Variants in GLI2 observed in about 807,000 individuals in gnomAD.
The protein encoded by GLI2 is transcription activator GLI2.
GLI2 carries 22 observed loss-of-function variants against 78.9 expected under a neutral mutation model. The ratio of observed to expected loss-of-function variants is 0.28; its 90% CI spans 0.20 to 0.40. GLI2 has a LOEUF of 0.40. GLI2 is among the 10% of genes least tolerant of loss of function. GLI2 has a pLI of 1.00. For missense variants in GLI2, 2,097 were observed against 2,213.2 expected, an observed-to-expected ratio of 0.95 and a Z score of 1.05; for synonymous variants, 974 against 963.7, an observed-to-expected ratio of 1.01 and a Z score of -0.20.
At chr2:120,905,524 T>C (rs530526013) in intron 2 of GLI2, among the ~76,000 whole-genome samples, 1 of 152,310 alleles carries the variant, frequency 6.6e-6, no homozygotes, top group African/African-American at 2.4e-5. Flanking sequence ...AGTGGCAATG[T>C]CAGGATTAGG....
At chr2:120,937,230 GCA>G (rs2104903814) in intron 3 of GLI2, among the ~76,000 whole-genome samples, 1 of 152,322 alleles carries the variant, frequency 6.6e-6, no homozygotes, top group South Asian at 2.1e-4. Flanking sequence ...GCCCAAGGAG[GCA>G]CAGTCTTTTT....
intron 2 of GLI2, among the ~76,000 whole-genome samples, chr2:120,806,103 A>G (rs1684936779): frequency 6.6e-6 from 1 of 152,216 alleles, no homozygotes; most frequent in East Asian, 1.9e-4. Context: ...ATTCTGTTAT[A>G]TCAGAGTTTA....
intron 9 of GLI2, among the ~76,000 whole-genome samples, chr2:120,976,786 G>A (rs953672055): frequency 3.3e-5 from 5 of 152,170 alleles, no homozygotes; most frequent in African/African-American, 1.2e-4. Context: ...CCTCCACCAG[G>A]CCCTGGAAAA....
intron 2 of GLI2, among the ~76,000 whole-genome samples, chr2:120,911,241 A>C (rs1187935): frequency 0.49 from 74,494 of 152,228 alleles, 21,612 homozygotes; most frequent in African/African-American, 0.82. Context: ...ATTTGACTGA[A>C]CCAGGGCAAG....
At chr2:120,899,337 C>T (rs1558867776) in intron 2 of GLI2, among the ~76,000 whole-genome samples, 1 of 152,154 alleles carries the variant, frequency 6.6e-6, no homozygotes, top group East Asian at 1.9e-4. Context: ...TAGGGGTTTG[C>T]TTCCAGGACT....
At chr2:120,830,075 G>A (rs1436157576) in intron 2 of GLI2, among the ~76,000 whole-genome samples, 1 of 152,196 alleles carries the variant, frequency 6.6e-6, no homozygotes, top group Non-Finnish European at 1.5e-5. Context: ...AAGTCAGAGT[G>A]TGCTGCTGAG....
chr2:120,978,917 G>T, intron 10 of GLI2, among the ~76,000 whole-genome samples: 1 of 152,356 alleles, frequency 6.6e-6, no homozygotes, highest in South Asian at 2.1e-4. Flanking sequence ...AAGAGGGACA[G>T]CTCCATAGTG....
chr2:120,847,597 G>C (rs900092895), intron 2 of GLI2, among the ~76,000 whole-genome samples: 1 of 151,444 alleles, frequency 6.6e-6, no homozygotes, highest in African/African-American at 2.4e-5. Context: ...CCACCGCCTA[G>C]AACTTGGATT....
intron 1 of GLI2, among the ~76,000 whole-genome samples, chr2:120,756,112 G>A (rs1683027122): frequency 6.6e-6 from 1 of 152,106 alleles, no homozygotes; most frequent in East Asian, 1.9e-4. Context: ...CAAAAACCCT[G>A]CTTTTAAGAT....
intron 1 of GLI2, among the ~76,000 whole-genome samples, chr2:120,771,749 C>G (rs1683529332): frequency 6.6e-6 from 1 of 152,208 alleles, no homozygotes; most frequent in African/African-American, 2.4e-5. Flanking sequence ...CAGCCAAGCA[C>G]TGAGTCTTCT....
chr2:120,801,910 C>G (rs1684724547), intron 2 of GLI2, among the ~76,000 whole-genome samples: 1 of 152,224 alleles, frequency 6.6e-6, no homozygotes, highest in Non-Finnish European at 1.5e-5. Flanking sequence ...TGGTGAGAGT[C>G]TCTTTCAGGT....
At chr2:120,875,160 G>T (rs1451184153) in intron 2 of GLI2, among the ~76,000 whole-genome samples, 3 of 152,250 alleles carry the variant, frequency 2.0e-5, no homozygotes, top group Non-Finnish European at 4.4e-5. Flanking sequence ...GTATGTGCAG[G>T]TGTTTTTCCT....
At chr2:120,816,096 G>C (rs1174262740) in intron 2 of GLI2, among the ~76,000 whole-genome samples, 1 of 152,142 alleles carries the variant, frequency 6.6e-6, no homozygotes, top group East Asian at 1.9e-4. Flanking sequence ...TGATGTTTGG[G>C]GACTGAGGGA....
chr2:120,865,779 G>A (rs1450699413), intron 2 of GLI2, among the ~76,000 whole-genome samples: 5 of 152,210 alleles, frequency 3.3e-5, no homozygotes, highest in Admixed American at 3.3e-4. Flanking sequence ...GGGTATATGC[G>A]GTGCTCAGAT....
intron 1 of GLI2, among the ~76,000 whole-genome samples, chr2:120,783,542 G>A (rs1573374120): frequency 6.6e-6 from 1 of 152,032 alleles, no homozygotes; most frequent in Non-Finnish European, 1.5e-5. Flanking sequence ...GAGAGTCATC[G>A]AAAGGAGAGG....
chr2:120,989,119 T>G lies in GLI2; in HGVS notation c.3154T>G (p.Tyr1052Asp). 6.2e-7 allele frequency: 1 copy of G among 1,612,854 alleles called. No individual in the cohort carries two copies. Among genetic ancestry groups the G allele is most frequent in the Non-Finnish European group, 8.5e-7 (1 of 1,179,924 alleles). ...GGTGCTTCCAGACGACGTGGTGCAGTACATCAAGGCGCACGCCAGTGGCGC... is the reference window on the plus strand; with the variant it reads ...GGTGCTTCCAGACGACGTGGTGCAGGACATCAAGGCGCACGCCAGTGGCGC... ...DLVLPDDVVQYIKAHASGALD... is the reference protein window; with the variant it reads ...DLVLPDDVVQDIKAHASGALD... The change falls in exon 14 of 14, where the codon TAC (tyrosine) becomes GAC (aspartate). Residue 1052 changes from tyrosine to aspartate, a missense_variant. Tyr to Asp is a radical substitution (Grantham distance 160). Coordinates refer to ENST00000361492, the MANE Select transcript of GLI2 (RefSeq NM_001374353.1).
chr2:120,839,032 C>G (rs904290383), intron 2 of GLI2, among the ~76,000 whole-genome samples: 14 of 152,208 alleles, frequency 9.2e-5, no homozygotes, highest in African/African-American at 3.1e-4. Flanking sequence ...GGCCTTCTTG[C>G]TGTGTCATTC....
At chr2:120,978,754 G>A (rs1363077113) in intron 10 of GLI2, among the ~76,000 whole-genome samples, 171 bp downstream of exon 10, 1 of 152,192 alleles carries the variant, frequency 6.6e-6, no homozygotes, top group Non-Finnish European at 1.5e-5. Context: ...GGTCCTGGAG[G>A]CCCCTCGCCT....
rs565267327 is a variant in GLI2, at chr2:120,746,105, C to T, written c.-31+9820C>T. Among the ~76,000 whole-genome samples, 18 of 152,310 alleles carry T rather than the reference C, an allele frequency of 1.2e-4. No homozygotes were observed. The South Asian group carries it at 3.5e-3, about 30-fold the overall frequency. On this transcript the variant is annotated intron_variant, in intron 1 of 13. Coordinates refer to ENST00000361492, the MANE Select transcript of GLI2 (RefSeq NM_001374353.1). ...GCAGCAGAGGCCCCATGATCCAGTG[C>T]GTTGCTTCTTCAGTGCCATCTCTCT...
Sources: allele counts gnomAD v4.1 joint callset (sites outside exome capture counted in the v4.1 genomes callset), GRCh38; gene constraint gnomAD v4.1.1; transcripts MANE v1.5; gene names NCBI Gene and HGNC (gene_info 2026-07-23, HGNC 2026-07-21).